PDGFB: variants seen among roughly 807,000 people sequenced by gnomAD.
PDGFB encodes platelet derived growth factor subunit B.
A neutral mutation model predicts 29.0 loss-of-function variants in PDGFB; 6 were observed. The observed-to-expected ratio is 0.21, with a 90% confidence interval of 0.11 to 0.41. The LOEUF is 0.41. Ranked by LOEUF, PDGFB falls within the 10% of genes least tolerant of loss-of-function variation. The pLI is 1.00. For synonymous variants in PDGFB, 144 were observed against 140.8 expected (o/e 1.02, Z -0.16); for missense variants, 299 against 341.8 (o/e 0.87, Z 0.99).
rs1335434558 is a variant in PDGFB, at chr22:39,240,791, G to C, written c.63+3110C>G. ...AATGAAATAAACCAGAACATAGGAA[G>C]AGTTGTCACAGAAGAGGCTCCTCAA... On this transcript the variant is annotated intron_variant, in intron 1 of 6. Transcript: ENST00000331163. 9.6e-6 allele frequency: 15 copies of C among 1,561,732 alleles called. 1 individual carries two copies. The South Asian group carries it at 1.2e-4, about 13-fold the overall frequency.
chr22:39,223,841 C>G lies in PDGFB; in HGVS notation c.*1501G>C, dbSNP rs1932101253. On this transcript the variant is annotated 3_prime_UTR_variant, in exon 7 of 7. Coordinates refer to ENST00000331163, the MANE Select transcript of PDGFB (RefSeq NM_002608.4). ...TTGGAAGGCGGGAAGGGGGAAAGTGCAGTAGGTGGGAAGGGAGGTGGGAGC... is the reference window on the plus strand; with the variant it reads ...TTGGAAGGCGGGAAGGGGGAAAGTGGAGTAGGTGGGAAGGGAGGTGGGAGC... 6.6e-6 allele frequency: 1 copy of G among 152,490 alleles called. No homozygotes were observed. The highest frequency in any genetic ancestry group is 1.5e-5 in the Non-Finnish European group (1 of 68,020). 9.4% of individuals were successfully genotyped at this position (152,490 alleles called of 1,614,324 possible). A position where few individuals can be genotyped will look rare whatever the true frequency, so the allele number is the denominator to read the frequency against.
rs778821660 is a variant in PDGFB at position 39,231,774 on chromosome 22, C to A, written c.304G>T (p.Glu102Ter). The A allele has an allele frequency of 6.2e-7, 1 of 1,613,692 alleles. No homozygotes were observed. The highest frequency in any genetic ancestry group is 8.5e-7 in the Non-Finnish European group (1 of 1,179,922). Residue 102 changes from glutamate to a stop codon, truncating the protein, a stop_gained, in exon 4 of 7, where the codon GAG becomes TAG. Transcript: ENST00000331163. LOFTEE classifies it high-confidence loss of function. This position sits in a 1 kb window ranked among gnomAD's most constrained non-coding sequence, Gnocchi z 4.3. ...AMIAECKTRT[E>*]VFEISRRLID... is the part of the protein sequence containing the mutation. ...AGGCGCCGGGAGATCTCGAACACCT[C>A]GGTGCGCGTCTTGCACTCGGCGATC...
chr22:39,232,819 C>G (rs192358487), intron 3 of PDGFB, among the ~76,000 whole-genome samples: 19 of 152,238 alleles, frequency 1.2e-4, no homozygotes, highest in Non-Finnish European at 2.1e-4. Context: ...ATCGTTCCCC[C>G]AGCCTCTAAC....
chr22:39,231,645 G>C lies in PDGFB; in HGVS notation c.433C>G (p.Gln145Glu). Residue 145 changes from glutamine to glutamate, a missense_variant, in exon 4 of 7, where the codon CAG becomes GAG. Gln to Glu is a conservative substitution (Grantham distance 29, BLOSUM62 2). Transcript: ENST00000331163. The surrounding 1 kb of genome is among the most constrained non-coding windows in gnomAD (Gnocchi z 4.3). The stretch of plus-strand genomic sequence containing the variant: ...ACCTGGACAGGTCGCAGCTGCACCT[G>C]GGTGGGGCGGCACTGCACGTTGCGG... ...NNRNVQCRPT[Q>E]VQLRPVQVRK... 2 of 1,577,544 alleles carry C rather than the reference G, an allele frequency of 1.3e-6. No homozygotes were observed. The highest frequency in any genetic ancestry group is 2.3e-5 in the South Asian group (2 of 86,316).
intron 1 of PDGFB, among the ~76,000 whole-genome samples, chr22:39,240,369 G>A (rs1340604660): frequency 6.6e-6 from 1 of 151,840 alleles, no homozygotes; most frequent in East Asian, 1.9e-4. Context: ...TTAGGTGGCA[G>A]AAACTTAGCC....
intron 1 of PDGFB, chr22:39,241,186 A>G: frequency 2.0e-6 from 1 of 497,606 alleles, no homozygotes. Context: ...AAGCCAGCTC[A>G]GCTGGTGGAG....
chr22:39,229,919 C>A (rs1932255611), intron 5 of PDGFB, among the ~76,000 whole-genome samples, 165 bp downstream of exon 5: 1 of 152,218 alleles, frequency 6.6e-6, no homozygotes, highest in Admixed American at 6.5e-5. Flanking sequence ...GTAGGGCTCT[C>A]AGGCCAGGGA....
chr22:39,228,449 CG>C (rs1405433925), intron 5 of PDGFB, among the ~76,000 whole-genome samples: 2 of 151,732 alleles, frequency 1.3e-5, no homozygotes, highest in African/African-American at 2.4e-5. Context: ...ATTAGCTGGA[CG>C]TGGTGGCACA....
In PDGFB at chr22:39,243,845, A is replaced by C; in HGVS notation, c.63+56T>G. 3.5e-6 allele frequency: 5 copies of C among 1,419,380 alleles called. No individual in the cohort carries two copies. Among genetic ancestry groups the C allele is most frequent in the Non-Finnish European group, 2.9e-6 (3 of 1,024,240 alleles). 87.9% of individuals were successfully genotyped at this position (1,419,380 alleles called of 1,614,324 possible). A position where few individuals can be genotyped will look rare whatever the true frequency, so the allele number is the denominator to read the frequency against. On this transcript the variant is annotated intron_variant, in intron 1 of 6. Coordinates refer to ENST00000331163, the MANE Select transcript of PDGFB (RefSeq NM_002608.4). This position sits in a 1 kb window ranked among gnomAD's most constrained non-coding sequence, Gnocchi z 6.4. ...GCAGGGAGAGGAGGGGGCGGTCAGAAGGGGGGGGCGAAGGTAATGAATGAA... is the reference window on the plus strand; with the variant it reads ...GCAGGGAGAGGAGGGGGCGGTCAGACGGGGGGGGCGAAGGTAATGAATGAA...
intron 5 of PDGFB, 136 bp from the exon 6 acceptor site, chr22:39,225,983 G>T: frequency 3.1e-6 from 3 of 953,122 alleles, no homozygotes; most frequent in Non-Finnish European, 1.5e-6. Flanking sequence ...TCCTGGGTTT[G>T]GATCCCAACT....
chr22:39,233,367 C>T (rs966266326), intron 3 of PDGFB, 68 bp downstream of exon 3: 26 of 1,227,268 alleles, frequency 2.1e-5, no homozygotes, highest in East Asian at 2.1e-4. Context: ...ACTGGCTGCC[C>T]GCCCCCGTTC....
intron 1 of PDGFB, among the ~76,000 whole-genome samples, chr22:39,237,150 G>A (rs1032166353): frequency 2.0e-5 from 3 of 152,054 alleles, no homozygotes; most frequent in East Asian, 1.9e-4. Context: ...AGAAGAGGTC[G>A]TCTCAGCCCT....
intron 5 of PDGFB, among the ~76,000 whole-genome samples, chr22:39,228,071 T>G (rs1932208261): frequency 6.6e-6 from 1 of 152,170 alleles, no homozygotes; most frequent in Non-Finnish European, 1.5e-5. Context: ...CACGCAGATC[T>G]GAGCCCAGGA....
At chr22:39,241,584 T>A (rs987127093) in intron 1 of PDGFB, among the ~76,000 whole-genome samples, 1 of 151,946 alleles carries the variant, frequency 6.6e-6, no homozygotes, top group Non-Finnish European at 1.5e-5. Flanking sequence ...CGTGGAGCTG[T>A]GGGAAAGAAG....
In PDGFB at chr22:39,242,819, C is replaced by G. The variant is rs1569140700; in HGVS notation, c.63+1082G>C. 1 of 231,474 alleles carries G rather than the reference C, an allele frequency of 4.3e-6. No homozygotes were observed. Among genetic ancestry groups the G allele is most frequent in the Non-Finnish European group, 8.6e-6 (1 of 116,950 alleles). The allele number at this position is 231,474 out of a possible 1,614,324, so 14.3% of individuals were successfully genotyped here. ...GAGGTGCGGGCGAGGTGCGGACTCC[C>G]GGCCGCAGCCGGGCGGAGGTGGGAC... On this transcript the variant is annotated intron_variant, in intron 1 of 6. Coordinates refer to ENST00000331163, the MANE Select transcript of PDGFB (RefSeq NM_002608.4). This position sits in a 1 kb window ranked among gnomAD's most constrained non-coding sequence, Gnocchi z 5.7.
chr22:39,240,818 G>T, intron 1 of PDGFB: 1 of 1,609,938 alleles, frequency 6.2e-7, no homozygotes, highest in Non-Finnish European at 8.5e-7. Flanking sequence ...GCTCCTCAAT[G>T]TGGGGAGGGG....
chr22:39,231,370 G>A lies in PDGFB; in HGVS notation c.456+252C>T, dbSNP rs941330542. Among the ~76,000 whole-genome samples, 2 of 152,198 alleles carry A rather than the reference G, an allele frequency of 1.3e-5. No homozygotes were observed. The highest frequency in any genetic ancestry group is 2.9e-5 in the Non-Finnish European group (2 of 68,036). On this transcript the variant is annotated intron_variant, in intron 4 of 6. Coordinates refer to ENST00000331163, the MANE Select transcript of PDGFB (RefSeq NM_002608.4). This position sits in a 1 kb window ranked among gnomAD's most constrained non-coding sequence, Gnocchi z 4.3. ...TTGGCTCCACACCTCGCCCAGCCCG[G>A]GGGGTCTGTCTGTGGCTTTTGGCTA... is the stretch of plus-strand genomic sequence containing the variant.
chr22:39,226,201 G>A lies in PDGFB; in HGVS notation c.602-354C>T, dbSNP rs183910635. 9.5e-4 allele frequency among the ~76,000 whole-genome samples: 144 copies of A among 152,272 alleles called. 1 individual carries two copies. The highest frequency in any genetic ancestry group is 3.2e-3 in the African/African-American group (134 of 41,560). ...ATATGGCTTCAAGTTCTTTGTCATT[G>A]CCCACTGACCAATAGAGTTTATTTC... On this transcript the variant is annotated intron_variant, in intron 5 of 6. Transcript: ENST00000331163.
At chr22:39,229,421 C>T (rs1218484239) in intron 5 of PDGFB, among the ~76,000 whole-genome samples, 1 of 152,198 alleles carries the variant, frequency 6.6e-6, no homozygotes, top group Non-Finnish European at 1.5e-5. Context: ...GACTGATCAC[C>T]AGCTAGCTGT....
Sources: gnomAD v4.1 joint callset for allele counts (sites outside exome capture counted in the v4.1 genomes callset) on GRCh38, gnomAD v4.1.1 for gene constraint, Gnocchi (gnomAD v3.1) non-coding constraint, MANE v1.5 for transcripts, NCBI Gene and HGNC (gene_info 2026-07-23, HGNC 2026-07-21) for gene names.